NCOA1: variants seen among roughly 807,000 people sequenced by gnomAD.
The protein encoded by NCOA1 is Hin-2 protein.
In NCOA1, 35 loss-of-function variants were observed where a neutral mutation model predicts 150.9. The ratio of observed to expected loss-of-function variants is 0.23; its 90% CI spans 0.18 to 0.31. NCOA1 has a LOEUF of 0.31. Ranked by LOEUF, NCOA1 falls within the 10% of genes least tolerant of loss-of-function variation. The pLI is 1.00. For synonymous variants in NCOA1, 590 were observed against 630.0 expected (o/e 0.94, Z 0.95); for missense variants, 1,491 against 1,749.3 (o/e 0.85, Z 2.63).
chr2:24,521,735 G>C (rs1664425448), intron 1 of NCOA1, among the ~76,000 whole-genome samples: 1 of 152,096 alleles, frequency 6.6e-6, no homozygotes, highest in Non-Finnish European at 1.5e-5. Context: ...CATTTCCTCT[G>C]ATGTATACCC....
intron 20 of NCOA1, among the ~76,000 whole-genome samples, chr2:24,754,935 AT>A (rs2148685168): frequency 6.6e-6 from 1 of 152,286 alleles, no homozygotes; most frequent in Admixed American, 6.5e-5. Flanking sequence ...GACTTTCCAA[AT>A]CATTTGGGAA....
At chr2:24,711,940 G>T (rs1673767272) in intron 14 of NCOA1, among the ~76,000 whole-genome samples, 2 of 152,164 alleles carry the variant, frequency 1.3e-5, no homozygotes, top group Admixed American at 1.3e-4. Flanking sequence ...TTTTCTGATG[G>T]TATCATATGT....
intron 5 of NCOA1, among the ~76,000 whole-genome samples, chr2:24,664,797 C>T (rs1183379439): frequency 1.3e-5 from 2 of 152,060 alleles, no homozygotes; most frequent in East Asian, 1.9e-4. Flanking sequence ...CCTCTTCTGT[C>T]CTCTTTTTTC....
At chr2:24,631,871 A>G (rs1403946656) in intron 3 of NCOA1, among the ~76,000 whole-genome samples, 2 of 152,186 alleles carry the variant, frequency 1.3e-5, no homozygotes, top group African/African-American at 4.8e-5. Flanking sequence ...GTTATTGAGT[A>G]ATTTCTGTTG....
intron 1 of NCOA1, among the ~76,000 whole-genome samples, chr2:24,510,473 A>G (rs781040845): frequency 1.3e-5 from 2 of 152,106 alleles, no homozygotes; most frequent in Non-Finnish European, 2.9e-5. Flanking sequence ...CTCCCAAGTA[A>G]CTGGGACTAC....
chr2:24,715,008 GA>G (rs1673946519), intron 14 of NCOA1, among the ~76,000 whole-genome samples: 1 of 151,836 alleles, frequency 6.6e-6, no homozygotes, highest in African/African-American at 2.4e-5. Context: ...ACACAGAGAT[GA>G]AAAAAGATAG....
chr2:24,687,395 C>T (rs1197246143), intron 8 of NCOA1, among the ~76,000 whole-genome samples: 1 of 151,324 alleles, frequency 6.6e-6, no homozygotes, highest in Non-Finnish European at 1.5e-5. Flanking sequence ...TTCAGTGGTA[C>T]ATGTGCAAGG....
rs908364383 is a variant in NCOA1 at position 24,759,769 on chromosome 2, T to G, written c.4065+1613T>G. ...CACCTCTATATCACATGAGGTGATA[T>G]ATGTATGTATAGAGGTATAATATAA... is the stretch of plus-strand genomic sequence containing the variant. On this transcript the variant is annotated intron_variant, in intron 21 of 22. Coordinates refer to ENST00000348332, the MANE Select transcript of NCOA1 (RefSeq NM_003743.5). Among the ~76,000 whole-genome samples the G allele has an allele frequency of 2.6e-5, 4 of 152,238 alleles. No individual in the cohort carries two copies. The East Asian group carries it at 7.7e-4, about 29-fold the overall frequency.
chr2:24,491,930 G>A (rs1662982051), intron 1 of NCOA1: 1 of 151,912 alleles, frequency 6.6e-6, no homozygotes, highest in African/African-American at 2.4e-5. Context: ...GGTGCGAGCT[G>A]CGCGGCCGCC....
chr2:24,640,221 A>G lies in NCOA1; in HGVS notation c.-174-3745A>G, dbSNP rs1004620211. Among the ~76,000 whole-genome samples the G allele has an allele frequency of 1.5e-4, 22 of 151,664 alleles. No homozygotes were observed. The East Asian group carries it at 3.7e-3, about 26-fold the overall frequency. ...CAATCTTTAGAAACGTGTTATATAA[A>G]AAATGGTTCACCATTTGTTTCATGT... On this transcript the variant is annotated intron_variant, in intron 3 of 22. Transcript: ENST00000348332.
chr2:24,677,596 G>T (rs1369183342), intron 7 of NCOA1, among the ~76,000 whole-genome samples: 1 of 152,050 alleles, frequency 6.6e-6, no homozygotes, highest in Non-Finnish European at 1.5e-5. Flanking sequence ...GCTAATTTTT[G>T]TATTTTTAGT....
intron 13 of NCOA1, among the ~76,000 whole-genome samples, chr2:24,708,303 T>C (rs540005228): frequency 1.4e-4 from 22 of 152,260 alleles, no homozygotes; most frequent in African/African-American, 5.3e-4. Context: ...CAAGGTTACT[T>C]AGTCTGGCTT....
At chr2:24,696,384 G>C (rs1672899537) in intron 10 of NCOA1, among the ~76,000 whole-genome samples, 1 of 152,090 alleles carries the variant, frequency 6.6e-6, no homozygotes, top group African/African-American at 2.4e-5. Flanking sequence ...CATAGAAGAG[G>C]AAACATTAGT....
chr2:24,549,819 C>T (rs1023230666), intron 1 of NCOA1, among the ~76,000 whole-genome samples: 6 of 152,200 alleles, frequency 3.9e-5, no homozygotes, highest in Non-Finnish European at 7.3e-5. Context: ...ATCCACCCAC[C>T]TCGGCCTCCC....
chr2:24,549,569 A>T (rs375970356), intron 1 of NCOA1, among the ~76,000 whole-genome samples: 1 of 151,522 alleles, frequency 6.6e-6, no homozygotes, highest in Non-Finnish European at 1.5e-5. Flanking sequence ...TTTATGCTCT[A>T]TTTCCCTTTT....
intron 14 of NCOA1, among the ~76,000 whole-genome samples, chr2:24,716,872 G>A (rs1249667755): frequency 6.6e-6 from 1 of 152,092 alleles, no homozygotes. Context: ...AAAAATAGAA[G>A]CAAAGAAAAT....
chr2:24,769,401 T>C lies in NCOA1; in HGVS notation c.*1010T>C, dbSNP rs571637102. The C allele has an allele frequency of 5.3e-6, 1 of 187,818 alleles. No individual in the cohort carries two copies. Among genetic ancestry groups the C allele is most frequent in the African/African-American group, 2.3e-5 (1 of 42,878 alleles). The allele number at this position is 187,818 out of a possible 1,614,324, so 11.6% of individuals were successfully genotyped here. ...TTGATTGAATTGCAGTTACATTTGG[T>C]TAGTAATATTTCATTATTTTAATAA... On this transcript the variant is annotated 3_prime_UTR_variant, in exon 23 of 23. Transcript: ENST00000348332.
intron 2 of NCOA1, among the ~76,000 whole-genome samples, chr2:24,579,658 A>C (rs745545830): frequency 1.3e-5 from 2 of 152,136 alleles, no homozygotes; most frequent in Non-Finnish European, 2.9e-5. Flanking sequence ...ACAAACCAAT[A>C]AGCAGGAAAG....
intron 3 of NCOA1, among the ~76,000 whole-genome samples, chr2:24,594,323 G>C (rs1667797876): frequency 6.6e-6 from 1 of 152,082 alleles, no homozygotes; most frequent in African/African-American, 2.4e-5. Context: ...CAACTGAAAA[G>C]ACAAAAGGAA....
Sources: allele counts gnomAD v4.1 joint callset (sites outside exome capture counted in the v4.1 genomes callset), GRCh38; gene constraint gnomAD v4.1.1; transcripts MANE v1.5; gene names NCBI Gene and HGNC (gene_info 2026-07-23, HGNC 2026-07-21).